Variants in TOX observed in about 807,000 individuals in gnomAD.
TOX encodes the protein thymocyte selection-associated high mobility group box protein TOX.
A neutral mutation model predicts 53.7 loss-of-function variants in TOX; 11 were observed. The observed-to-expected ratio is 0.20, with a 90% CI of 0.13 to 0.34. The LOEUF (loss-of-function observed/expected upper bound fraction) is 0.34. Among genes scored for constraint, TOX ranks in the 10% least tolerant of loss-of-function variants. The pLI, the probability that TOX is intolerant of heterozygous loss-of-function variation, is 1.00. For missense variants in TOX, 570 were observed against 664.6 expected, an observed-to-expected ratio of 0.86 and a Z score of 1.56; for synonymous variants, 225 against 245.3, an observed-to-expected ratio of 0.92 and a Z score of 0.77.
intron 5 of TOX, among the ~76,000 whole-genome samples, chr8:58,832,509 AG>A (rs1315931874): frequency 6.6e-6 from 1 of 152,200 alleles, no homozygotes; most frequent in African/African-American, 2.4e-5. Context: ...CAGAAGATAA[AG>A]GGGAAAAAGA....
At chr8:59,000,631 T>C (rs958002864) in intron 1 of TOX, among the ~76,000 whole-genome samples, 2 of 152,192 alleles carry the variant, frequency 1.3e-5, no homozygotes, top group Non-Finnish European at 2.9e-5. Context: ...AATCATTTAG[T>C]ATTATTGTTA....
At chr8:59,079,082 G>A (rs1289771760) in intron 1 of TOX, among the ~76,000 whole-genome samples, 2 of 152,186 alleles carry the variant, frequency 1.3e-5, no homozygotes, top group African/African-American at 2.4e-5. Context: ...TTAAGAGGAA[G>A]TAACTTGGCT....
At chr8:58,831,492 C>T (rs774462837) in intron 5 of TOX, among the ~76,000 whole-genome samples, 1 of 151,918 alleles carries the variant, frequency 6.6e-6, no homozygotes, top group Admixed American at 6.6e-5. Flanking sequence ...TGGGATAATC[C>T]CCGTTTTGCA....
intron 1 of TOX, among the ~76,000 whole-genome samples, chr8:59,051,443 T>G (rs118190958): frequency 0.023 from 3,544 of 152,212 alleles, 122 homozygotes; most frequent in East Asian, 0.11. Context: ...AACAAAATTT[T>G]CATTTTAGTT....
intron 1 of TOX, among the ~76,000 whole-genome samples, chr8:59,047,182 T>C (rs1205374093): frequency 6.7e-6 from 1 of 150,196 alleles, no homozygotes; most frequent in Non-Finnish European, 1.5e-5. Context: ...TAGTTTTTAT[T>C]GAACAATTCC....
chr8:58,999,813 G>A (rs1281824451), intron 1 of TOX, among the ~76,000 whole-genome samples: 1 of 152,162 alleles, frequency 6.6e-6, no homozygotes, highest in Non-Finnish European at 1.5e-5. Context: ...TTATTAACTT[G>A]AATGAGTTTC....
At chr8:58,820,254 C>G (rs540561222) in intron 6 of TOX, among the ~76,000 whole-genome samples, 10 of 149,546 alleles carry the variant, frequency 6.7e-5, no homozygotes, top group Non-Finnish European at 1.3e-4. Context: ...TGACTTAATT[C>G]AATATTGTCC....
At chr8:58,921,518 C>G (rs1242807433) in intron 3 of TOX, among the ~76,000 whole-genome samples, 1 of 152,074 alleles carries the variant, frequency 6.6e-6, no homozygotes, top group Non-Finnish European at 1.5e-5. Context: ...AGTGACTTAC[C>G]AGGATCTTTC....
intron 2 of TOX, among the ~76,000 whole-genome samples, chr8:58,956,745 G>A (rs1397678940): frequency 1.2e-4 from 18 of 152,090 alleles, no homozygotes; most frequent in South Asian, 4.2e-4. Flanking sequence ...ACTCTGGAGT[G>A]GCTGGGATTA....
chr8:59,109,949 A>G (rs1804983210), intron 1 of TOX, among the ~76,000 whole-genome samples: 1 of 152,172 alleles, frequency 6.6e-6, no homozygotes. Context: ...GTGTTCATGA[A>G]CTAGAAAACC....
intron 6 of TOX, among the ~76,000 whole-genome samples, chr8:58,825,970 A>G (rs1810358457): frequency 6.6e-6 from 1 of 152,208 alleles, no homozygotes; most frequent in Non-Finnish European, 1.5e-5. Flanking sequence ...TTAGACAAAT[A>G]GTTTACTGAA....
At chr8:58,882,175 T>G (rs2129171007) in intron 3 of TOX, among the ~76,000 whole-genome samples, 1 of 152,372 alleles carries the variant, frequency 6.6e-6, no homozygotes, top group South Asian at 2.1e-4. Context: ...TTTCCAGTTG[T>G]TATGTCACCC....
intron 3 of TOX, among the ~76,000 whole-genome samples, chr8:58,933,378 G>T (rs979828912): frequency 6.6e-6 from 1 of 152,124 alleles, no homozygotes; most frequent in Non-Finnish European, 1.5e-5. Flanking sequence ...CTTCAGCCAT[G>T]AATACTTAAT....
intron 1 of TOX, among the ~76,000 whole-genome samples, chr8:58,980,068 A>G (rs1813173435): frequency 6.6e-6 from 1 of 152,246 alleles, no homozygotes; most frequent in Admixed American, 6.5e-5. Context: ...ATAAAAAATC[A>G]TTTAATTGGC....
chr8:58,889,680 A>C (rs998692178), intron 3 of TOX, among the ~76,000 whole-genome samples: 4 of 152,158 alleles, frequency 2.6e-5, no homozygotes, highest in Non-Finnish European at 4.4e-5. Context: ...TCTTCAAATA[A>C]GATTTTACTT....
intron 3 of TOX, among the ~76,000 whole-genome samples, chr8:58,923,501 A>G (rs1414237763): frequency 6.6e-6 from 1 of 152,184 alleles, no homozygotes; most frequent in Non-Finnish European, 1.5e-5. Context: ...CCTCACTCCA[A>G]AAACGTCTTC....
At chr8:59,063,992 T>C (rs1018166662) in intron 1 of TOX, among the ~76,000 whole-genome samples, 1 of 152,016 alleles carries the variant, frequency 6.6e-6, no homozygotes, top group African/African-American at 2.4e-5. Context: ...TTGTGCTAAA[T>C]GTACTAAAGA....
At chr8:58,932,668 A>T (rs7010342) in intron 3 of TOX, among the ~76,000 whole-genome samples, 144,237 of 152,270 alleles carry the variant, frequency 0.95, 68,382 homozygotes, top group East Asian at 1. Context: ...TTATTCAATA[A>T]GCCAGTGGTC....
At chr8:58,887,869 C>T (rs1411371865) in intron 3 of TOX, among the ~76,000 whole-genome samples, 1 of 151,990 alleles carries the variant, frequency 6.6e-6, no homozygotes, top group Non-Finnish European at 1.5e-5. Flanking sequence ...GCATTAGTTG[C>T]ACACTTAGGT....
Sources: gnomAD v4.1 joint callset for allele counts (sites outside exome capture counted in the v4.1 genomes callset) on GRCh38, gnomAD v4.1.1 for gene constraint, MANE v1.5 for transcripts, NCBI Gene and HGNC (gene_info 2026-07-23, HGNC 2026-07-21) for gene names.